STARD3NL: variants seen among roughly 807,000 people sequenced by gnomAD.
STARD3NL encodes STARD3 N-terminal-like protein.
In STARD3NL, 17 loss-of-function variants were observed where a neutral mutation model predicts 30.9. That is an observed-to-expected ratio of 0.55 (90% confidence interval 0.38 to 0.82). The LOEUF (loss-of-function observed/expected upper bound fraction) is 0.82, where lower values mean the gene tolerates loss of function less well. Among genes scored for constraint, STARD3NL ranks in the 40% least tolerant of loss-of-function variants. The pLI is 0.00. For synonymous variants in STARD3NL, 112 were observed against 100.5 expected (o/e 1.11, Z -0.69); for missense variants, 234 against 277.6 (o/e 0.84, Z 1.12).
At chr7:38,204,033 A>G (rs1486506622) in intron 1 of STARD3NL, among the ~76,000 whole-genome samples, 3 of 152,316 alleles carry the variant, frequency 2.0e-5, no homozygotes, top group Non-Finnish European at 4.4e-5. Flanking sequence ...CACAATAATA[A>G]TGGGAGATTT....
chr7:38,186,790 G>T (rs748846017), intron 1 of STARD3NL, among the ~76,000 whole-genome samples: 1 of 152,166 alleles, frequency 6.6e-6, no homozygotes, highest in African/African-American at 2.4e-5. Context: ...TAATGAGGAA[G>T]TCACCTAATG....
chr7:38,215,791 A>G (rs962053691), intron 4 of STARD3NL: 1 of 152,318 alleles, frequency 6.6e-6, no homozygotes, highest in Middle Eastern at 3.2e-3. Flanking sequence ...AGCTGCTCAG[A>G]AATAACCTGC....
intron 4 of STARD3NL, chr7:38,215,894 C>G: frequency 6.6e-6 from 1 of 152,232 alleles, no homozygotes; most frequent in East Asian, 1.9e-4. Context: ...CCTCCTGAGT[C>G]CACTAGGGGG....
chr7:38,212,784 T>C (rs1785882692), intron 2 of STARD3NL, among the ~76,000 whole-genome samples: 1 of 152,154 alleles, frequency 6.6e-6, no homozygotes, highest in African/African-American at 2.4e-5. Context: ...GCCGATTTTA[T>C]CATCCCCAGT....
rs775551821 is a variant in STARD3NL, at chr7:38,214,389, G to A, written c.258G>A (p.Lys86=). 3.1e-6 allele frequency: 5 copies of A among 1,608,678 alleles called. No individual in the cohort carries two copies. The highest frequency in any genetic ancestry group is 4.3e-6 in the Non-Finnish European group (5 of 1,176,228). The change falls in exon 3 of 9, where the codon AAG becomes AAA. Residue 86 remains lysine, a synonymous_variant. Transcript: ENST00000009041. ...GAGGCATTGAGAACACATTAGAGAA[G>A]GAGGTGATGCAGTATGACTACTATT... ...VNGGIENTLE[K]EVMQYDYYSS... is the part of the protein sequence containing the mutation.
At chr7:38,195,885 C>G (rs2116067737) in intron 1 of STARD3NL, among the ~76,000 whole-genome samples, 1 of 152,320 alleles carries the variant, frequency 6.6e-6, no homozygotes, top group Admixed American at 6.5e-5. Context: ...TAGACTCCAT[C>G]TCCCAAGAAA....
intron 1 of STARD3NL, among the ~76,000 whole-genome samples, chr7:38,187,072 G>A (rs1285098637): frequency 3.9e-5 from 6 of 152,050 alleles, no homozygotes; most frequent in African/African-American, 1.4e-4. Flanking sequence ...TAATCCTCAG[G>A]GCCCATCTTG....
chr7:38,209,248 G>A (rs1583809420), intron 2 of STARD3NL, among the ~76,000 whole-genome samples: 1 of 151,916 alleles, frequency 6.6e-6, no homozygotes, highest in Non-Finnish European at 1.5e-5. Flanking sequence ...TTTCAAAACT[G>A]TAGCTATGTA....
intron 1 of STARD3NL, 25 bp from the exon 2 acceptor site, chr7:38,207,422 G>A: frequency 8.9e-7 from 1 of 1,121,672 alleles, no homozygotes; most frequent in Non-Finnish European, 1.3e-6. Flanking sequence ...GATTTAACAT[G>A]GTGTCTCTTT....
chr7:38,205,408 T>G (rs1288658596), intron 1 of STARD3NL, among the ~76,000 whole-genome samples: 1 of 152,190 alleles, frequency 6.6e-6, no homozygotes, highest in Non-Finnish European at 1.5e-5. Flanking sequence ...ACATACTGTG[T>G]CTGTGTGTAT....
At chr7:38,188,789 G>A (rs1372281926) in intron 1 of STARD3NL, among the ~76,000 whole-genome samples, 1 of 152,158 alleles carries the variant, frequency 6.6e-6, no homozygotes, top group South Asian at 2.1e-4. Flanking sequence ...TGCATTACAT[G>A]TCAAATGAAA....
At chr7:38,227,804 G>T (rs1375811772) in intron 7 of STARD3NL, among the ~76,000 whole-genome samples, 3 of 152,046 alleles carry the variant, frequency 2.0e-5, no homozygotes, top group Admixed American at 6.5e-5. Flanking sequence ...CCTTCTTGGG[G>T]TGTGTGTATG....
intron 1 of STARD3NL, among the ~76,000 whole-genome samples, chr7:38,195,621 TTAA>T (rs1784866777): frequency 2.0e-5 from 3 of 152,346 alleles, no homozygotes; most frequent in South Asian, 2.1e-4. Flanking sequence ...TGTAGTCCAC[TTAA>T]TAATTCCAGT....
intron 1 of STARD3NL, among the ~76,000 whole-genome samples, chr7:38,193,482 TAG>T (rs1352738159): frequency 6.6e-6 from 1 of 152,186 alleles, no homozygotes; most frequent in African/African-American, 2.4e-5. Flanking sequence ...GTATTTTTAG[TAG>T]AGACGGGGTT....
At chr7:38,228,934 G>T in intron 8 of STARD3NL, 63 bp downstream of exon 8, 1 of 1,182,094 alleles carries the variant, frequency 8.5e-7, no homozygotes, top group Non-Finnish European at 1.2e-6. Flanking sequence ...CCTTTGAGTA[G>T]AGTCAAAGTA....
intron 1 of STARD3NL, among the ~76,000 whole-genome samples, chr7:38,194,959 A>G (rs1480185836): frequency 6.6e-6 from 1 of 152,168 alleles, no homozygotes. Flanking sequence ...ATAATCTTCC[A>G]TTTACATAGC....
intron 7 of STARD3NL, among the ~76,000 whole-genome samples, chr7:38,227,460 T>C (rs1786835799): frequency 6.6e-6 from 1 of 152,246 alleles, no homozygotes; most frequent in Non-Finnish European, 1.5e-5. Context: ...TTAAAACGTT[T>C]TCTTCAGATT....
intron 8 of STARD3NL, 121 bp downstream of exon 8, chr7:38,228,992 C>T: frequency 3.3e-6 from 2 of 604,428 alleles, no homozygotes; most frequent in Non-Finnish European, 2.7e-6. Flanking sequence ...ATCTTACTTG[C>T]ATGAATTTAT....
intron 7 of STARD3NL, among the ~76,000 whole-genome samples, chr7:38,222,497 G>A (rs1451066658): frequency 6.6e-6 from 1 of 152,146 alleles, no homozygotes; most frequent in Non-Finnish European, 1.5e-5. Context: ...ATTCATATTA[G>A]AGTTCATGCA....
Sources: gnomAD v4.1 joint callset for allele counts (sites outside exome capture counted in the v4.1 genomes callset) on GRCh38, gnomAD v4.1.1 for gene constraint, MANE v1.5 for transcripts, NCBI Gene and HGNC (gene_info 2026-07-23, HGNC 2026-07-21) for gene names.